The following CENPP variants were observed in gnomAD, a reference collection of about 807,000 sequenced individuals.
The protein encoded by CENPP is centromere protein P.
Under a neutral mutation model 35.6 loss-of-function variants are expected in CENPP, and 24 were observed. The observed-to-expected ratio is 0.67, with a 90% CI of 0.49 to 0.95. The LOEUF (loss-of-function observed/expected upper bound fraction) is 0.95, where lower values mean the gene tolerates loss of function less well. CENPP is among the 40% of genes least tolerant of loss of function. The pLI is 0.00. For missense variants in CENPP, 332 were observed against 345.3 expected, an observed-to-expected ratio of 0.96 and a Z score of 0.31; for synonymous variants, 120 against 125.5, an observed-to-expected ratio of 0.96 and a Z score of 0.29.
chr9:92,450,571 T>C (rs1423561567), intron 5 of CENPP, among the ~76,000 whole-genome samples: 2 of 152,170 alleles, frequency 1.3e-5, no homozygotes, highest in Admixed American at 6.5e-5. Flanking sequence ...TGCATGTGTC[T>C]TTATAGCAGC....
chr9:92,366,040 C>T (rs893842728), intron 4 of CENPP, among the ~76,000 whole-genome samples: 3 of 151,752 alleles, frequency 2.0e-5, no homozygotes, highest in Admixed American at 6.6e-5. Context: ...ATTAGCCAGG[C>T]GCGGTGGCGG....
Position 92,484,160 on chromosome 9 carries a change from G to A in CENPP, c.564+104301G>A, listed in dbSNP as rs1212449466. Among the ~76,000 whole-genome samples the A allele has an allele frequency of 3.9e-5, 6 of 152,030 alleles. No individual in the cohort carries two copies. The East Asian group carries it at 1.2e-3, about 29-fold the overall frequency. ...CTGCACAATGTTTTGTTTCTGAACT[G>A]TTTATTGAAGTGTATGTTACCAAAA... On this transcript the variant is annotated intron_variant, in intron 5 of 7. Coordinates refer to ENST00000375587, the MANE Select transcript of CENPP (RefSeq NM_001012267.3).
At chr9:92,347,491 C>T (rs555969654) in intron 4 of CENPP, among the ~76,000 whole-genome samples, 4 of 152,158 alleles carry the variant, frequency 2.6e-5, no homozygotes, top group African/African-American at 9.7e-5. Context: ...GGATTTTATT[C>T]CAGATTCAAC....
intron 5 of CENPP, among the ~76,000 whole-genome samples, chr9:92,503,499 TTAAC>T (rs1336234815): frequency 1.3e-5 from 2 of 152,250 alleles, no homozygotes; most frequent in South Asian, 2.1e-4. Flanking sequence ...TTAAAGTTAA[TTAAC>T]AGCCTTAATT....
In CENPP at chr9:92,600,067, C is replaced by T. The variant is rs371965490; in HGVS notation, c.565-11247C>T. 1.4e-4 allele frequency among the ~76,000 whole-genome samples: 21 copies of T among 152,358 alleles called. 1 individual carries two copies. The South Asian group carries it at 4.1e-3, about 30-fold the overall frequency. ...TCACTAAGTTCAGCACAAAAGCAGCCACAGACTGTATATACCTAAGTGAGG... is the reference window on the plus strand; with the variant it reads ...TCACTAAGTTCAGCACAAAAGCAGCTACAGACTGTATATACCTAAGTGAGG... On this transcript the variant is annotated intron_variant, in intron 5 of 7. Coordinates refer to ENST00000375587, the MANE Select transcript of CENPP (RefSeq NM_001012267.3).
chr9:92,440,346 A>AAAATAAATAAAT (rs58516284), intron 5 of CENPP, among the ~76,000 whole-genome samples: 2,424 of 142,510 alleles, frequency 0.017, 25 homozygotes, highest in East Asian at 0.027. Flanking sequence ...CTGATGAGTT[A>AAAATAAATAAAT]AAATAAATAA....
At chr9:92,421,612 T>G (rs1281974536) in intron 5 of CENPP, among the ~76,000 whole-genome samples, 1 of 152,260 alleles carries the variant, frequency 6.6e-6, no homozygotes, top group Admixed American at 6.5e-5. Flanking sequence ...TTACTGTATG[T>G]AAACATGCTT....
At chr9:92,573,610 A>G (rs971674172) in intron 5 of CENPP, among the ~76,000 whole-genome samples, 6 of 152,186 alleles carry the variant, frequency 3.9e-5, no homozygotes, top group Non-Finnish European at 4.4e-5. Flanking sequence ...TGGGGGAACC[A>G]CTGCTCTCTT....
chr9:92,411,658 G>A (rs571778086), intron 5 of CENPP, among the ~76,000 whole-genome samples: 2 of 152,158 alleles, frequency 1.3e-5, no homozygotes. Flanking sequence ...GAATTAAAAT[G>A]TATTTTCTTT....
At chr9:92,573,986 G>T (rs1326306207) in intron 5 of CENPP, among the ~76,000 whole-genome samples, 1 of 152,124 alleles carries the variant, frequency 6.6e-6, no homozygotes, top group Non-Finnish European at 1.5e-5. Context: ...GATTTTCCAG[G>T]TACCATCTGT....
At chr9:92,401,161 TG>T in intron 5 of CENPP, 1 of 1,529,278 alleles carries the variant, frequency 6.5e-7, no homozygotes, top group Non-Finnish European at 9.1e-7. Context: ...CTTTTCTCAT[TG>T]GGTATTATCA....
At chr9:92,562,750 AT>A (rs1274932137) in intron 5 of CENPP, among the ~76,000 whole-genome samples, 4 of 152,158 alleles carry the variant, frequency 2.6e-5, no homozygotes, top group Non-Finnish European at 5.9e-5. Context: ...TTTTCCACTG[AT>A]ATACTGTCTG....
chr9:92,567,380 A>AGATATATATATC (rs1554688250), intron 5 of CENPP, among the ~76,000 whole-genome samples: 1 of 92,734 alleles, frequency 1.1e-5, no homozygotes, highest in Admixed American at 1.0e-4. Context: ...ATAGATATAT[A>AGATATATATATC]TATATATATA....
intron 5 of CENPP, chr9:92,416,969 T>C (rs1276492996): frequency 6.2e-7 from 1 of 1,613,988 alleles, no homozygotes; most frequent in South Asian, 1.1e-5. Flanking sequence ...ATCATGAAGA[T>C]AATTATAACA....
chr9:92,571,735 A>G (rs932122833), intron 5 of CENPP, among the ~76,000 whole-genome samples: 1 of 152,102 alleles, frequency 6.6e-6, no homozygotes, highest in Non-Finnish European at 1.5e-5. Context: ...GTAGGTCTCT[A>G]AGGGCTTGCT....
At chr9:92,349,525 T>A (rs1281235694) in intron 4 of CENPP, among the ~76,000 whole-genome samples, 2 of 151,818 alleles carry the variant, frequency 1.3e-5, no homozygotes, top group Admixed American at 6.6e-5. Context: ...TGCCTCAGCC[T>A]CCCGAGTAGC....
chr9:92,349,082 CAT>C (rs1841377206), intron 4 of CENPP, among the ~76,000 whole-genome samples: 1 of 152,296 alleles, frequency 6.6e-6, no homozygotes, highest in South Asian at 2.1e-4. Flanking sequence ...TCTAATGACA[CAT>C]ATGTTAGACT....
intron 5 of CENPP, chr9:92,505,658 C>T (rs1846957229): frequency 6.2e-7 from 1 of 1,604,564 alleles, no homozygotes; most frequent in African/African-American, 1.3e-5. Context: ...AGATTGTTTC[C>T]TTCCAATTCT....
At chr9:92,559,543 T>G (rs1017569705) in intron 5 of CENPP, among the ~76,000 whole-genome samples, 1 of 152,120 alleles carries the variant, frequency 6.6e-6, no homozygotes, top group East Asian at 1.9e-4. Context: ...GATTGCCAAT[T>G]TATTCTTGCA....
Sources: allele counts gnomAD v4.1 joint callset (sites outside exome capture counted in the v4.1 genomes callset), GRCh38; gene constraint gnomAD v4.1.1; transcripts MANE v1.5; gene names NCBI Gene and HGNC (gene_info 2026-07-23, HGNC 2026-07-21).